SHFL: variants seen among roughly 807,000 people sequenced by gnomAD.
SHFL encodes the protein shiftless antiviral inhibitor of ribosomal frameshifting protein.
A neutral mutation model predicts 34.7 loss-of-function variants in SHFL; 12 were observed. The ratio of observed to expected loss-of-function variants is 0.35; its 90% CI spans 0.22 to 0.56. SHFL has a LOEUF of 0.56. Ranked by LOEUF, SHFL falls within the 20% of genes least tolerant of loss-of-function variation. SHFL has a pLI of 0.88. For synonymous variants in SHFL, 148 were observed against 156.0 expected, an observed-to-expected ratio of 0.95 and a Z score of 0.38; for missense variants, 278 against 411.1, an observed-to-expected ratio of 0.68 and a Z score of 2.80.
chr19:10,089,438 C>G, intron 3 of SHFL: 1 of 1,567,642 alleles, frequency 6.4e-7, no homozygotes, highest in Non-Finnish European at 8.7e-7. Flanking sequence ...CCTCAGTTTC[C>G]CCATCTGAGC....
intron 4 of SHFL, 60 bp downstream of exon 4, chr19:10,089,755 G>A: frequency 6.4e-7 from 1 of 1,564,100 alleles, no homozygotes; most frequent in Admixed American, 1.9e-5. Flanking sequence ...TGCAGGCACA[G>A]AAGGATGTCC....
chr19:10,089,528 G>A, intron 3 of SHFL, 129 bp from the exon 4 acceptor site: 1 of 1,379,384 alleles, frequency 7.2e-7, no homozygotes, highest in Non-Finnish European at 1.0e-6. Flanking sequence ...CAATAAGTGA[G>A]TGGTGCTCTG....
At chr19:10,089,841 G>A (rs527346717) in intron 4 of SHFL, 57 bp from the exon 5 acceptor site, 1 of 1,589,958 alleles carries the variant, frequency 6.3e-7, no homozygotes, top group East Asian at 2.3e-5. Context: ...TGATGCTTAT[G>A]TTGGTGCAGA....
rs1209891024 is a variant in SHFL, at chr19:10,091,424, C to G, written c.489-52C>G. On this transcript the variant is annotated intron_variant, in intron 6 of 7. Transcript: ENST00000253110. This position sits in a 1 kb window ranked among gnomAD's most constrained non-coding sequence, Gnocchi z 8.2. The stretch of plus-strand genomic sequence containing the variant: ...AGCCCTGCCCCTCCCTGCCCTGGCC[C>G]CACCCTGGCCCAGCCTCGCCCTCGG... 1.5e-5 allele frequency: 23 copies of G among 1,553,818 alleles called. No homozygotes were observed. The highest frequency in any genetic ancestry group is 2.0e-5 in the Non-Finnish European group (23 of 1,144,204).
chr19:10,087,499 C>T (rs1165422478), intron 3 of SHFL, 199 bp downstream of exon 3: 8 of 613,418 alleles, frequency 1.3e-5, no homozygotes, highest in African/African-American at 5.5e-5. Context: ...AGTAGGCGCT[C>T]ATTATGTGCT....
At chr19:10,089,818 G>T in intron 4 of SHFL, 80 bp from the exon 5 acceptor site, 1 of 1,567,600 alleles carries the variant, frequency 6.4e-7, no homozygotes. Context: ...CTCGTCTGTA[G>T]GGAGAGGAGG....
intron 4 of SHFL, 55 bp from the exon 5 acceptor site, chr19:10,089,843 T>C (rs1389432340): frequency 3.1e-6 from 5 of 1,591,488 alleles, no homozygotes; most frequent in Non-Finnish European, 4.3e-6. Context: ...ATGCTTATGT[T>C]GGTGCAGAAG....
intron 3 of SHFL, chr19:10,089,160 G>A (rs773096979): frequency 1.1e-5 from 8 of 721,394 alleles, no homozygotes; most frequent in Non-Finnish European, 1.6e-5. Context: ...GGGCAGCTGC[G>A]ATTTGAACCC....
In SHFL at chr19:10,086,408, G is replaced by C; in HGVS notation, c.-20G>C. 2.3e-6 allele frequency: 3 copies of C among 1,332,062 alleles called. No homozygotes were observed. The highest frequency in any genetic ancestry group is 2.1e-4 in the Middle Eastern group (1 of 4,756). The allele number at this position is 1,332,062 out of a possible 1,614,324, so 82.5% of individuals were successfully genotyped here. A position where few individuals can be genotyped will look rare whatever the true frequency, so the allele number is the denominator to read the frequency against. ...AGCCGCGCAGTGCGGACCCTCGCGG[G>C]GAACTGCGCCGCCGCCACCATGTCT... On this transcript the variant is annotated 5_prime_UTR_variant, in exon 1 of 8. Coordinates refer to ENST00000253110, the MANE Select transcript of SHFL (RefSeq NM_018381.4). This position sits in a 1 kb window ranked among gnomAD's most constrained non-coding sequence, Gnocchi z 5.2.
intron 5 of SHFL, 156 bp downstream of exon 5, chr19:10,090,203 A>C: frequency 4.9e-6 from 4 of 810,144 alleles, no homozygotes; most frequent in Non-Finnish European, 5.8e-6. Flanking sequence ...TCTGATCCCA[A>C]CCCCTGACCC....
chr19:10,090,146 C>A, intron 5 of SHFL, 99 bp downstream of exon 5: 1 of 1,337,772 alleles, frequency 7.5e-7, no homozygotes, highest in Non-Finnish European at 1.0e-6. Context: ...ATTTCAATCA[C>A]TGAGAGTCCA....
chr19:10,087,244 C>A lies in SHFL; in HGVS notation c.146-7C>A. ...GGCCCTTCCCTTATATGCACTCTCC[C>A]CCGCAGGGGTAAAGCAAAAAGATGG... On this transcript the variant is annotated splice_region_variant and splice_polypyrimidine_tract_variant and intron_variant, in intron 2 of 7. Coordinates refer to ENST00000253110, the MANE Select transcript of SHFL (RefSeq NM_018381.4). 6.2e-7 allele frequency: 1 copy of A among 1,614,034 alleles called. No homozygotes were observed. Among genetic ancestry groups the A allele is most frequent in the South Asian group, 1.1e-5 (1 of 91,088 alleles).
Position 10,086,921 on chromosome 19 carries a change from C to T in SHFL, c.22-8C>T. The T allele has an allele frequency of 6.2e-7, 1 of 1,613,704 alleles. No individual in the cohort carries two copies. Among genetic ancestry groups the T allele is most frequent in the Non-Finnish European group, 8.5e-7 (1 of 1,179,760 alleles). ...TCCCCCACCGGAACCCCCCTGTCTCCATCCCAGCTGGAGAAGAGCGTCCGG... is the reference window on the plus strand; with the variant it reads ...TCCCCCACCGGAACCCCCCTGTCTCTATCCCAGCTGGAGAAGAGCGTCCGG... On this transcript the variant is annotated splice_polypyrimidine_tract_variant and splice_region_variant and intron_variant, in intron 1 of 7. Coordinates refer to ENST00000253110, the MANE Select transcript of SHFL (RefSeq NM_018381.4). The surrounding 1 kb of genome is among the most constrained non-coding windows in gnomAD (Gnocchi z 5.2).
In SHFL at chr19:10,092,770, G is replaced by A. The variant is rs1451113953; in HGVS notation, c.*468G>A. 1.2e-6 allele frequency: 2 copies of A among 1,600,210 alleles called. No homozygotes were observed. The highest frequency in any genetic ancestry group is 1.1e-5 in the South Asian group (1 of 90,474). On this transcript the variant is annotated 3_prime_UTR_variant, in exon 8 of 8. Coordinates refer to ENST00000253110, the MANE Select transcript of SHFL (RefSeq NM_018381.4). ...CCACCAGCCTCCCCGCTGGTACAGG[G>A]CACAGTTACCTGAGGGGAGAGAGAG...
chr19:10,093,200 C>T lies in SHFL; in HGVS notation c.*898C>T. ...CCATCCCCCCACCAGGATAAAAGTCCTGACCTTTGTTCTCTTGACGGAATA... is the reference window on the plus strand; with the variant it reads ...CCATCCCCCCACCAGGATAAAAGTCTTGACCTTTGTTCTCTTGACGGAATA... On this transcript the variant is annotated 3_prime_UTR_variant, in exon 8 of 8. Coordinates refer to ENST00000253110, the MANE Select transcript of SHFL (RefSeq NM_018381.4). The T allele has an allele frequency of 2.7e-5, 30 of 1,130,622 alleles. No individual in the cohort carries two copies. In the South Asian group the frequency reaches 4.6e-4, roughly 17 times the overall value. 70.0% of individuals were successfully genotyped at this position (1,130,622 alleles called of 1,614,324 possible).
chr19:10,088,366 C>CATCCTGGCT (rs1385391316), intron 3 of SHFL: 1 of 149,220 alleles, frequency 6.7e-6, no homozygotes, highest in African/African-American at 2.5e-5. Flanking sequence ...AGATCGAGAC[C>CATCCTGGCT]ATCCTGGCTA....
intron 5 of SHFL, 105 bp downstream of exon 5, chr19:10,090,152 G>T: frequency 7.8e-7 from 1 of 1,288,144 alleles, no homozygotes. Context: ...ATCACTGAGA[G>T]TCCAATCCCT....
chr19:10,092,577 A>G lies in SHFL; in HGVS notation c.*275A>G. The G allele has an allele frequency of 1.3e-6, 2 of 1,595,458 alleles. No homozygotes were observed. Among genetic ancestry groups the G allele is most frequent in the Non-Finnish European group, 1.7e-6 (2 of 1,167,468 alleles). ...ATGTCCTCTAGGGCCTAGGGGACAG[A>G]GGAACACAGAGTCACAGCTTCAGGG... On this transcript the variant is annotated 3_prime_UTR_variant, in exon 8 of 8. Transcript: ENST00000253110.
Position 10,086,818 on chromosome 19 carries a change from G to A in SHFL, c.22-111G>A. ...GGATGAAAGGCGGGGGGGGGGCGGC[G>A]GAGGCCAAAACCAAGGGTCAAGTTC... is the stretch of plus-strand genomic sequence containing the variant. On this transcript the variant is annotated intron_variant, in intron 1 of 7. Coordinates refer to ENST00000253110, the MANE Select transcript of SHFL (RefSeq NM_018381.4). This position sits in a 1 kb window ranked among gnomAD's most constrained non-coding sequence, Gnocchi z 5.2. 1.5e-6 allele frequency: 2 copies of A among 1,294,212 alleles called. No individual in the cohort carries two copies. Among genetic ancestry groups the A allele is most frequent in the East Asian group, 2.5e-5 (1 of 39,806 alleles). 80.2% of individuals were successfully genotyped at this position (1,294,212 alleles called of 1,614,324 possible).
Sources: allele counts gnomAD v4.1 joint callset, GRCh38; gene constraint gnomAD v4.1.1; non-coding constraint Gnocchi (gnomAD v3.1); transcripts MANE v1.5; gene names NCBI Gene and HGNC (gene_info 2026-07-23, HGNC 2026-07-21).